The following BTBD10 variants were observed in gnomAD, a reference collection of about 807,000 sequenced individuals.
BTBD10 encodes BTB domain containing 10, also known as BTB/POZ domain-containing protein 10.
A neutral mutation model predicts 53.2 loss-of-function variants in BTBD10; 21 were observed. That is an observed-to-expected ratio of 0.39 (90% confidence interval 0.28 to 0.57). BTBD10 has a LOEUF of 0.57. Among genes scored for constraint, BTBD10 ranks in the 20% least tolerant of loss-of-function variants. The pLI is 0.53. For synonymous variants in BTBD10, 149 were observed against 192.7 expected (o/e 0.77, Z 1.88); for missense variants, 360 against 594.7 (o/e 0.61, Z 4.10).
intron 8 of BTBD10, among the ~76,000 whole-genome samples, chr11:13,391,368 C>T (rs1313517582): frequency 6.6e-6 from 1 of 152,198 alleles, no homozygotes; most frequent in Non-Finnish European, 1.5e-5. Flanking sequence ...TTAAGACTCT[C>T]CACACAGTTA....
At position 13,396,617 on chromosome 11, in the gene BTBD10, C is replaced by G. The variant is rs140746936; in HGVS notation, c.1117+6551G>C. Among the ~76,000 whole-genome samples, 942 of 152,276 alleles carry G rather than the reference C, an allele frequency of 6.2e-3. 6 individuals are homozygous for G. The highest frequency in any genetic ancestry group is 0.021 in the African/African-American group (873 of 41,552). ...TGAGAGAGGGCATCCCTTTCTTGTGCCAGTTTTCAAAGGGAATGCTTCCAG... is the reference window on the plus strand; with the variant it reads ...TGAGAGAGGGCATCCCTTTCTTGTGGCAGTTTTCAAAGGGAATGCTTCCAG... On this transcript the variant is annotated intron_variant, in intron 8 of 8. Coordinates refer to ENST00000278174, the MANE Select transcript of BTBD10 (RefSeq NM_032320.7).
chr11:13,417,565 G>T (rs192851815), intron 4 of BTBD10, among the ~76,000 whole-genome samples: 4 of 151,932 alleles, frequency 2.6e-5, no homozygotes, highest in Non-Finnish European at 5.9e-5. Flanking sequence ...TAGGGAAAAA[G>T]ATGAGTTTTT....
At chr11:13,413,800 C>T (rs1591117438) in intron 5 of BTBD10, 150 bp from the exon 6 acceptor site, 3 of 645,268 alleles carry the variant, frequency 4.6e-6, no homozygotes, top group African/African-American at 1.9e-5. Flanking sequence ...ATGAGACCTC[C>T]GTTCACCTAA....
At chr11:13,411,802 G>C (rs1271590279) in intron 6 of BTBD10, among the ~76,000 whole-genome samples, 1 of 151,676 alleles carries the variant, frequency 6.6e-6, no homozygotes, top group Non-Finnish European at 1.5e-5. Flanking sequence ...TTGAAATCAG[G>C]GATCTATAAT....
intron 8 of BTBD10, among the ~76,000 whole-genome samples, chr11:13,394,600 G>T (rs1949489516): frequency 6.6e-6 from 1 of 152,032 alleles, no homozygotes; most frequent in Admixed American, 6.6e-5. Flanking sequence ...CAACGTGCAG[G>T]TTTATTACAT....
intron 1 of BTBD10, among the ~76,000 whole-genome samples, chr11:13,450,773 G>A (rs191650862): frequency 9.0e-4 from 137 of 152,254 alleles, no homozygotes; most frequent in African/African-American, 3.1e-3. Context: ...GAAACTTCTC[G>A]CAAACACAGC....
At chr11:13,405,408 G>C in intron 7 of BTBD10, 1 of 355,540 alleles carries the variant, frequency 2.8e-6, no homozygotes, top group Non-Finnish European at 5.1e-6. Context: ...CATGGGCGGG[G>C]CATATTCTTC....
chr11:13,420,997 T>C (rs1018069374), intron 3 of BTBD10, among the ~76,000 whole-genome samples: 2 of 152,192 alleles, frequency 1.3e-5, no homozygotes, highest in Non-Finnish European at 2.9e-5. Flanking sequence ...TCAGAAACTA[T>C]TGCTGCATAT....
chr11:13,444,203 G>A (rs954295837), intron 2 of BTBD10, among the ~76,000 whole-genome samples: 2 of 149,864 alleles, frequency 1.3e-5, no homozygotes, highest in Admixed American at 1.3e-4. Flanking sequence ...TCACAAAAAC[G>A]ATTTCATTAT....
intron 5 of BTBD10, among the ~76,000 whole-genome samples, chr11:13,415,997 T>C (rs1303306882): frequency 6.6e-6 from 1 of 151,574 alleles, no homozygotes; most frequent in Non-Finnish European, 1.5e-5. Flanking sequence ...AAGTAGGGAC[T>C]CTGTGTGATA....
intron 2 of BTBD10, among the ~76,000 whole-genome samples, chr11:13,437,902 T>C (rs1950572937): frequency 6.6e-6 from 1 of 152,188 alleles, no homozygotes; most frequent in Non-Finnish European, 1.5e-5. Context: ...AGGTGTTGCA[T>C]GCAGTTCCTT....
chr11:13,397,139 T>C (rs891609020), intron 8 of BTBD10, among the ~76,000 whole-genome samples: 1 of 152,370 alleles, frequency 6.6e-6, no homozygotes, highest in Admixed American at 6.5e-5. Context: ...CTTGTACCTC[T>C]GGTAGAATTT....
intron 7 of BTBD10, chr11:13,404,627 G>GA (rs1370317351): frequency 2.0e-6 from 2 of 983,974 alleles, no homozygotes; most frequent in Admixed American, 6.2e-5. Flanking sequence ...ACATATTATA[G>GA]AAAACCATTG....
intron 2 of BTBD10, among the ~76,000 whole-genome samples, chr11:13,432,686 A>T (rs1281836068): frequency 1.3e-5 from 2 of 152,138 alleles, no homozygotes; most frequent in Admixed American, 6.5e-5. Context: ...CTGCAATTTT[A>T]AAAAAATTAA....
chr11:13,443,128 C>T (rs959869243), intron 2 of BTBD10, among the ~76,000 whole-genome samples: 2 of 151,992 alleles, frequency 1.3e-5, no homozygotes, highest in African/African-American at 4.8e-5. Flanking sequence ...GCGGTGCATG[C>T]CTGTAGTCCT....
At chr11:13,462,371 A>G (rs186338748) in intron 1 of BTBD10, among the ~76,000 whole-genome samples, 12 of 152,360 alleles carry the variant, frequency 7.9e-5, no homozygotes, top group African/African-American at 2.9e-4. Flanking sequence ...AGCCACAAGC[A>G]AGTGAAGCTC....
intron 6 of BTBD10, among the ~76,000 whole-genome samples, chr11:13,411,468 A>T (rs980497187): frequency 4.6e-5 from 7 of 152,124 alleles, no homozygotes; most frequent in South Asian, 2.1e-4. Context: ...GTTTTTTTTT[A>T]AAACGTCTTT....
At chr11:13,389,192 A>C in intron 8 of BTBD10, 51 bp from the exon 9 acceptor site, 1 of 1,509,432 alleles carries the variant, frequency 6.6e-7, no homozygotes, top group Non-Finnish European at 8.9e-7. Context: ...CAGACCTCTC[A>C]CCCAATTTCG....
At chr11:13,449,951 G>A (rs928327143) in intron 1 of BTBD10, among the ~76,000 whole-genome samples, 12 of 152,128 alleles carry the variant, frequency 7.9e-5, no homozygotes, top group African/African-American at 2.9e-4. Flanking sequence ...TCCAACACAT[G>A]GATTTTTGGG....
Sources: gnomAD v4.1 joint callset for allele counts (sites outside exome capture counted in the v4.1 genomes callset) on GRCh38, gnomAD v4.1.1 for gene constraint, MANE v1.5 for transcripts, NCBI Gene and HGNC (gene_info 2026-07-23, HGNC 2026-07-21) for gene names.